MYOZ1: variants seen among roughly 807,000 people sequenced by gnomAD.
MYOZ1 encodes myozenin-1.
MYOZ1 carries 20 observed loss-of-function variants against 28.7 expected under a neutral mutation model. That is an observed-to-expected ratio of 0.70 (90% CI 0.49 to 1.01). The LOEUF is 1.01. MYOZ1 is among the 50% of genes least tolerant of loss of function. The pLI is 0.00. For missense variants in MYOZ1, 371 were observed against 372.4 expected, an observed-to-expected ratio of 1.00 and a Z score of 0.03; for synonymous variants, 144 against 145.8, an observed-to-expected ratio of 0.99 and a Z score of 0.09.
intron 1 of MYOZ1, among the ~76,000 whole-genome samples, chr10:73,640,646 C>A (rs1252620312): frequency 6.6e-6 from 1 of 152,092 alleles, no homozygotes; most frequent in African/African-American, 2.4e-5. Flanking sequence ...AACAATAACA[C>A]AAGCAGGGCA....
chr10:73,634,684 GCTGTGCCCAGCTGTCCCCCCA>G lies in MYOZ1; in HGVS notation c.281_301del (p.Val94_Thr100del), dbSNP rs1387121937. The G allele has an allele frequency of 5.0e-6, 8 of 1,614,226 alleles. No homozygotes were observed. The highest frequency in any genetic ancestry group is 6.8e-6 in the Non-Finnish European group (8 of 1,180,042). Reference sequence around the variant, plus strand: ...CTTGCTGTATGAGAATCCCTGACCAGCTGTGCCCAGCTGTCCCCCCACTGTTGGAAGGAACTTCTGGAAGTG... The same window carrying G: ...CTTGCTGTATGAGAATCCCTGACCAGCTGTTGGAAGGAACTTCTGGAAGTG... On this transcript the variant is annotated inframe_deletion, in exon 4 of 6. Coordinates refer to ENST00000359322, the MANE Select transcript of MYOZ1 (RefSeq NM_021245.4).
At chr10:73,633,546 T>C (rs1257398019) in intron 5 of MYOZ1, among the ~76,000 whole-genome samples, 1 of 151,880 alleles carries the variant, frequency 6.6e-6, no homozygotes, top group East Asian at 1.9e-4. Context: ...CTGGGCGATA[T>C]AGCGAGACCC....
chr10:73,632,172 G>A lies in MYOZ1; in HGVS notation c.669-11C>T, dbSNP rs1461699159. The A allele has an allele frequency of 6.2e-7, 1 of 1,605,130 alleles. No individual in the cohort carries two copies. Among genetic ancestry groups the A allele is most frequent in the Admixed American group, 1.7e-5 (1 of 59,938 alleles). On this transcript the variant is annotated splice_polypyrimidine_tract_variant and intron_variant, in intron 5 of 5. Coordinates refer to ENST00000359322, the MANE Select transcript of MYOZ1 (RefSeq NM_021245.4). The stretch of plus-strand genomic sequence containing the variant: ...TAGGGCATTGCCGTCCTGAGAAGGG[G>A]ACACATTATTTAATTAAGAATCAGA...
intron 3 of MYOZ1, among the ~76,000 whole-genome samples, chr10:73,637,074 C>G (rs2081671967): frequency 1.4e-5 from 2 of 141,090 alleles, no homozygotes; most frequent in Admixed American, 1.5e-4. Flanking sequence ...AGTGCAGTGG[C>G]ACAATCTGGG....
chr10:73,639,647 C>T (rs1199338341), intron 2 of MYOZ1, among the ~76,000 whole-genome samples: 1 of 152,178 alleles, frequency 6.6e-6, no homozygotes, highest in Non-Finnish European at 1.5e-5. Context: ...TGCCAGTCTC[C>T]ATTATATTTT....
intron 1 of MYOZ1, among the ~76,000 whole-genome samples, chr10:73,640,979 C>T (rs1296511273): frequency 2.6e-5 from 4 of 152,030 alleles, no homozygotes; most frequent in Non-Finnish European, 4.4e-5. Flanking sequence ...AATCCCGACA[C>T]GTCAATTCAG....
intron 3 of MYOZ1, among the ~76,000 whole-genome samples, chr10:73,635,717 C>A (rs1423789379): frequency 6.6e-6 from 1 of 152,128 alleles, no homozygotes; most frequent in Non-Finnish European, 1.5e-5. Flanking sequence ...TGCCATGGAG[C>A]ACCCAGTCTT....
At position 73,637,799 on chromosome 10, in the gene MYOZ1, C is replaced by T. The variant is rs887521450; in HGVS notation, c.197G>A (p.Arg66Lys). 6 of 1,614,142 alleles carry T rather than the reference C, an allele frequency of 3.7e-6. No homozygotes were observed. The highest frequency in any genetic ancestry group is 5.1e-6 in the Non-Finnish European group (6 of 1,180,030). The change falls in exon 3 of 6, where the codon AGG becomes AAG. Residue 66 changes from arginine (R) to lysine (K), a missense_variant. By Grantham distance (26) the Arg-to-Lys change is conservative. Coordinates refer to ENST00000359322, the MANE Select transcript of MYOZ1 (RefSeq NM_021245.4). ...GTTCTCATAAATAAACTTCTCCACCCTCATCTGCCGCAGTTTGAACATCTT... is the reference window on the plus strand; with the variant it reads ...GTTCTCATAAATAAACTTCTCCACCTTCATCTGCCGCAGTTTGAACATCTT... ...GSKMFKLRQMRVEKFIYENHP... is the reference protein window; with the variant it reads ...GSKMFKLRQMKVEKFIYENHP...
chr10:73,637,203 G>A (rs989963980), intron 3 of MYOZ1, among the ~76,000 whole-genome samples: 10 of 150,916 alleles, frequency 6.6e-5, no homozygotes, highest in Non-Finnish European at 4.4e-5. Flanking sequence ...TAGTAGAGAT[G>A]GGGGTTTCAC....
Position 73,637,750 on chromosome 10 carries a change from G to T in MYOZ1, c.246C>A (p.Ser82Arg), listed in dbSNP as rs201435267. Residue 82 changes from serine (S) to arginine (R), a missense_variant, in exon 3 of 6, where the codon AGC becomes AGA. Ser to Arg is a moderately radical substitution (Grantham distance 110). Coordinates refer to ENST00000359322, the MANE Select transcript of MYOZ1 (RefSeq NM_021245.4). ...GATAAAGTTCCAGACTCACCATTGA[G>T]CTGTCAGAGAAAACATCAGGGTGGT... is the stretch of plus-strand genomic sequence containing the variant. ...YENHPDVFSD[S>R]SMDHFQKFLP... 29 of 1,612,700 alleles carry T rather than the reference G, an allele frequency of 1.8e-5. 1 individual carries two copies. The South Asian group carries it at 3.2e-4, about 18-fold the overall frequency.
chr10:73,638,597 A>G (rs556110519), intron 2 of MYOZ1, among the ~76,000 whole-genome samples: 48 of 150,794 alleles, frequency 3.2e-4, no homozygotes, highest in Non-Finnish European at 5.9e-4. Flanking sequence ...GCCTCCCAAA[A>G]TGCTGGGATG....
rs1243886593 is a variant in MYOZ1, at chr10:73,641,413, G to A, written c.-21C>T. 1 of 152,318 alleles carries A rather than the reference G, an allele frequency of 6.6e-6. No individual in the cohort carries two copies. The highest frequency in any genetic ancestry group is 1.9e-4 in the East Asian group (1 of 5,206). The allele number at this position is 152,318 out of a possible 1,614,324, so 9.4% of individuals were successfully genotyped here. On this transcript the variant is annotated splice_region_variant and 5_prime_UTR_variant, in exon 1 of 6. Coordinates refer to ENST00000359322, the MANE Select transcript of MYOZ1 (RefSeq NM_021245.4). ...TAACGATAGAGCTGGAGACTTACCG[G>A]CTGCTCGGGCAGTGGTCAGCTCTCC...
Position 73,631,853 on chromosome 10 carries a change from G to A in MYOZ1, c.*77C>T. On this transcript the variant is annotated 3_prime_UTR_variant, in exon 6 of 6. Transcript: ENST00000359322. The stretch of plus-strand genomic sequence containing the variant: ...CCATAAGGATACTGGATTAACAATG[G>A]GGGCTATCTGCTCAGCATTCCCTCT... The A allele has an allele frequency of 8.1e-7, 1 of 1,233,870 alleles. No homozygotes were observed. Among genetic ancestry groups the A allele is most frequent in the South Asian group, 1.3e-5 (1 of 78,904 alleles). The allele number at this position is 1,233,870 out of a possible 1,614,324, so 76.4% of individuals were successfully genotyped here.
intron 3 of MYOZ1, among the ~76,000 whole-genome samples, chr10:73,636,502 G>A (rs1383642647): frequency 6.6e-6 from 1 of 151,720 alleles, no homozygotes; most frequent in Non-Finnish European, 1.5e-5. Context: ...CCAGGCTGGA[G>A]TGCAGTGGTG....
Position 73,639,962 on chromosome 10 carries a change from A to G in MYOZ1, c.56T>C (p.Ile19Thr). The change falls in exon 2 of 6, where the codon ATC (isoleucine) becomes ACC (threonine). Residue 19 changes from isoleucine (I) to threonine (T), a missense_variant. Transcript: ENST00000359322. The part of the protein sequence containing the change: ...PNKKRKSSKL[I>T]MELTGGGQES... ...TGTCCTACCTCCAGTGAGTTCCATG[A>G]TCAGCTTGCTGGATTTCCTCTTCTT... The G allele has an allele frequency of 1.2e-6, 2 of 1,613,956 alleles. No individual in the cohort carries two copies. Among genetic ancestry groups the G allele is most frequent in the South Asian group, 1.1e-5 (1 of 91,068 alleles).
chr10:73,632,815 C>A (rs910580816), intron 5 of MYOZ1, among the ~76,000 whole-genome samples: 2 of 151,172 alleles, frequency 1.3e-5, no homozygotes, highest in Non-Finnish European at 2.9e-5. Flanking sequence ...AATATAGAGA[C>A]CCCCTCTCTC....
In MYOZ1 at chr10:73,640,099, G is replaced by A; in HGVS notation, c.-18-64C>T. The A allele has an allele frequency of 6.5e-6, 9 of 1,378,746 alleles. No homozygotes were observed. In the South Asian group the frequency reaches 9.6e-5, roughly 15 times the overall value. 85.4% of individuals were successfully genotyped at this position (1,378,746 alleles called of 1,614,324 possible). On this transcript the variant is annotated intron_variant, in intron 1 of 5. Transcript: ENST00000359322. ...GGACTGGGAAGAGTGAGTGTCTGTA[G>A]GAGAGCAGCACTTCTTAACCTGGGT...
chr10:73,639,312 G>A lies in MYOZ1; in HGVS notation c.73+633C>T, dbSNP rs1174485984. Among the ~76,000 whole-genome samples the A allele has an allele frequency of 2.6e-5, 4 of 151,942 alleles. No homozygotes were observed. In the East Asian group the frequency reaches 7.7e-4, roughly 29 times the overall value. On this transcript the variant is annotated intron_variant, in intron 2 of 5. Coordinates refer to ENST00000359322, the MANE Select transcript of MYOZ1 (RefSeq NM_021245.4). ...TAATTTTTGTACTTTTTGTAGAGAC[G>A]AGGTTTTACCATGTGCCTAGGCCAG... is the stretch of plus-strand genomic sequence containing the variant.
chr10:73,634,595 G>A lies in MYOZ1; in HGVS notation c.391C>T (p.Gln131Ter), dbSNP rs2081655821. Reference protein sequence around the residue: ...SGSAGQYGSDQQHHLGSGSGA... With the variant: ...SGSAGQYGSD ...GACCCAGAGCCCAGATGGTGCTGCT[G>A]ATCAGAGCCATACTGTCCGGCAGAG... The change falls in exon 4 of 6, where the codon CAG becomes TAG. Residue 131 changes from glutamine (Q) to a stop codon, truncating the protein, a stop_gained. Transcript: ENST00000359322. LOFTEE classifies it high-confidence loss of function. 3 of 1,614,020 alleles carry A rather than the reference G, an allele frequency of 1.9e-6. No individual in the cohort carries two copies. In the African/African-American group the frequency reaches 4.0e-5, roughly 22 times the overall value.
Sources: allele counts gnomAD v4.1 joint callset (sites outside exome capture counted in the v4.1 genomes callset), GRCh38; gene constraint gnomAD v4.1.1; transcripts MANE v1.5; gene names NCBI Gene and HGNC (gene_info 2026-07-23, HGNC 2026-07-21).